The following SEMA6D variants were observed in gnomAD, a reference collection of about 807,000 sequenced individuals.
SEMA6D encodes the protein semaphorin-6D.
SEMA6D carries 35 observed loss-of-function variants against 106.6 expected under a neutral mutation model. The ratio of observed to expected loss-of-function variants is 0.33; its 90% CI spans 0.25 to 0.44. SEMA6D has a LOEUF of 0.44. SEMA6D is among the 20% of genes least tolerant of loss of function. SEMA6D has a pLI of 1.00. For synonymous variants in SEMA6D, 499 were observed against 487.7 expected (o/e 1.02, Z -0.31); for missense variants, 1,185 against 1,345.9 (o/e 0.88, Z 1.87).
intron 1 of SEMA6D, among the ~76,000 whole-genome samples, chr15:47,729,002 G>T (rs1360905537): frequency 6.6e-6 from 1 of 152,154 alleles, no homozygotes; most frequent in East Asian, 1.9e-4. Flanking sequence ...CCATTCCAGG[G>T]ATTACGGCAT....
At chr15:47,436,976 G>A (rs1461305156) in intron 2 of SEMA6D, among the ~76,000 whole-genome samples, 3 of 139,498 alleles carry the variant, frequency 2.2e-5, no homozygotes, top group African/African-American at 7.9e-5. Flanking sequence ...GGCAGGGAAA[G>A]GAAGAGAAGG....
intron 1 of SEMA6D, among the ~76,000 whole-genome samples, chr15:47,746,970 C>CTG (rs769358318): frequency 4.7e-4 from 61 of 130,474 alleles, no homozygotes; most frequent in East Asian, 1.3e-3. Flanking sequence ...CAGTCTCCTG[C>CTG]TGTGTGTGTG....
At chr15:47,722,493 A>C (rs900263142) in intron 1 of SEMA6D, among the ~76,000 whole-genome samples, 1 of 152,072 alleles carries the variant, frequency 6.6e-6, no homozygotes, top group African/African-American at 2.4e-5. Flanking sequence ...TTTACTCAAT[A>C]AGATATCTGT....
intron 1 of SEMA6D, among the ~76,000 whole-genome samples, chr15:47,746,692 C>G (rs1361042724): frequency 6.6e-6 from 1 of 152,126 alleles, no homozygotes; most frequent in African/African-American, 2.4e-5. Flanking sequence ...GCAGCCTCAG[C>G]AGGTCATCTG....
intron 4 of SEMA6D, among the ~76,000 whole-genome samples, chr15:47,602,557 C>T (rs2076685524): frequency 6.7e-6 from 1 of 150,366 alleles, no homozygotes. Flanking sequence ...ATTTACTGAT[C>T]AATTTCTTAT....
intron 1 of SEMA6D, among the ~76,000 whole-genome samples, chr15:47,384,985 C>T (rs535275728): frequency 2.0e-5 from 3 of 149,318 alleles, no homozygotes; most frequent in Non-Finnish European, 4.4e-5. Flanking sequence ...CTTAGTTTCT[C>T]ATGAAGATGA....
chr15:47,661,385 T>C (rs1291327696), intron 4 of SEMA6D, among the ~76,000 whole-genome samples: 1 of 152,226 alleles, frequency 6.6e-6, no homozygotes, highest in Non-Finnish European at 1.5e-5. Context: ...ATTTCTGAAA[T>C]ATATTTTAGA....
At chr15:47,533,877 A>G (rs1445232534) in intron 3 of SEMA6D, among the ~76,000 whole-genome samples, 2 of 152,194 alleles carry the variant, frequency 1.3e-5, no homozygotes. Flanking sequence ...GGTTCCTCTG[A>G]TTGGATGAAA....
At chr15:47,756,368 C>T (rs1026540513) in intron 1 of SEMA6D, among the ~76,000 whole-genome samples, 9 of 151,832 alleles carry the variant, frequency 5.9e-5, no homozygotes, top group East Asian at 3.9e-4. Flanking sequence ...CCAGACAAGA[C>T]GTAACCAGAA....
intron 15 of SEMA6D, 75 bp from the exon 16 acceptor site, chr15:47,766,541 G>T (rs987588182): frequency 3.8e-6 from 5 of 1,323,120 alleles, no homozygotes; most frequent in South Asian, 1.2e-5. Context: ...CTGTGTTCTT[G>T]GTTCTGCTCT....
rs138995583 is a variant in SEMA6D at position 47,434,068 on chromosome 15, A to T, written c.-159+21596A>T. On this transcript the variant is annotated intron_variant, in intron 2 of 19. Coordinates refer to the SEMA6D transcript ENST00000558014. ...AAGTGGTGGTGTTGAGGTGGCAGAG[A>T]AAAAATGAGAAGGCCACAATGACAA... 7.5e-3 allele frequency among the ~76,000 whole-genome samples: 1,137 copies of T among 152,248 alleles called. 13 individuals carry two copies. The highest frequency in any genetic ancestry group is 0.014 in the Admixed American group (212 of 15,278).
chr15:47,283,380 G>A (rs183602770), intron 1 of SEMA6D, among the ~76,000 whole-genome samples: 3 of 152,220 alleles, frequency 2.0e-5, no homozygotes, highest in South Asian at 4.1e-4. Context: ...TTGGCATTGC[G>A]AACTCTAGGC....
At chr15:47,610,506 G>A (rs1251550676) in intron 4 of SEMA6D, among the ~76,000 whole-genome samples, 1 of 152,122 alleles carries the variant, frequency 6.6e-6, no homozygotes, top group Non-Finnish European at 1.5e-5. Flanking sequence ...AAAAGTTGCA[G>A]ACATGTCTAA....
chr15:47,297,996 C>G (rs1263441705), intron 1 of SEMA6D, among the ~76,000 whole-genome samples: 1 of 152,122 alleles, frequency 6.6e-6, no homozygotes, highest in Non-Finnish European at 1.5e-5. Flanking sequence ...CCAGAACATT[C>G]TGATCCTTAT....
chr15:47,687,654 A>G (rs1324807969), intron 4 of SEMA6D, among the ~76,000 whole-genome samples: 1 of 152,180 alleles, frequency 6.6e-6, no homozygotes, highest in Non-Finnish European at 1.5e-5. Context: ...CTCTAGAAGT[A>G]TCAATCTGGA....
chr15:47,466,438 TA>T (rs1490364326), intron 2 of SEMA6D, among the ~76,000 whole-genome samples: 1 of 152,164 alleles, frequency 6.6e-6, no homozygotes, highest in Non-Finnish European at 1.5e-5. Context: ...TTGTTTCACT[TA>T]GCATAATGTC....
At chr15:47,374,957 AGC>A in intron 1 of SEMA6D, among the ~76,000 whole-genome samples, 1 of 152,308 alleles carries the variant, frequency 6.6e-6, no homozygotes, top group Middle Eastern at 3.4e-3. Flanking sequence ...ACGAGTAGTT[AGC>A]CCCAGCTACT....
intron 3 of SEMA6D, among the ~76,000 whole-genome samples, chr15:47,498,201 G>C (rs1486115599): frequency 6.6e-6 from 1 of 152,072 alleles, no homozygotes; most frequent in African/African-American, 2.4e-5. Context: ...ACAATAAAAT[G>C]AGTGACCTGA....
At chr15:47,194,170 A>G (rs1595721957) in intron 1 of SEMA6D, among the ~76,000 whole-genome samples, 2 of 151,976 alleles carry the variant, frequency 1.3e-5, no homozygotes, top group South Asian at 4.2e-4. Flanking sequence ...GATTCTTACT[A>G]TTAAGATCAT....
Sources: gnomAD v4.1 joint callset for allele counts (sites outside exome capture counted in the v4.1 genomes callset) on GRCh38, gnomAD v4.1.1 for gene constraint, MANE v1.5 for transcripts, NCBI Gene and HGNC (gene_info 2026-07-23, HGNC 2026-07-21) for gene names.